Variants in KIF13A observed in about 807,000 individuals in gnomAD.
KIF13A encodes the protein kinesin family member 13A.
In KIF13A, 79 loss-of-function variants were observed where a neutral mutation model predicts 212.2. That is an observed-to-expected ratio of 0.37 (90% confidence interval 0.31 to 0.45). KIF13A has a LOEUF of 0.45. KIF13A is among the 20% of genes least tolerant of loss of function. The pLI is 1.00. For missense variants in KIF13A, 1,901 were observed against 2,209.0 expected, an observed-to-expected ratio of 0.86 and a Z score of 2.79; for synonymous variants, 789 against 808.6, an observed-to-expected ratio of 0.98 and a Z score of 0.41.
intron 14 of KIF13A, among the ~76,000 whole-genome samples, chr6:17,827,010 C>A (rs952277360): frequency 6.6e-6 from 1 of 150,650 alleles, no homozygotes; most frequent in African/African-American, 2.4e-5. Context: ...TGCAGTGAGC[C>A]GAGATCTTGC....
intron 16 of KIF13A, among the ~76,000 whole-genome samples, chr6:17,824,954 C>T (rs1226478220): frequency 6.6e-6 from 1 of 151,942 alleles, no homozygotes; most frequent in Non-Finnish European, 1.5e-5. Flanking sequence ...TCTCAGGTAC[C>T]CCTAAACAGC....
intron 2 of KIF13A, among the ~76,000 whole-genome samples, chr6:17,923,456 A>C (rs975160865): frequency 6.6e-6 from 1 of 151,986 alleles, no homozygotes; most frequent in African/African-American, 2.4e-5. Flanking sequence ...GTAAGTCTTC[A>C]CAATTAAAAC....
rs1285362192 is a variant in KIF13A at position 17,799,440 on chromosome 6, C to T, written c.2617-1G>A. On this transcript the variant is annotated splice_acceptor_variant, in intron 21 of 38. Transcript: ENST00000259711. LOFTEE classifies it high-confidence loss of function. This position sits in a 1 kb window ranked among gnomAD's most constrained non-coding sequence, Gnocchi z 4.4. ...GCCCCGTTGCTTCTTTAATTTTTACCTGAAGAGATAAACAATACAAATAAA... is the reference window on the plus strand; with the variant it reads ...GCCCCGTTGCTTCTTTAATTTTTACTTGAAGAGATAAACAATACAAATAAA... The T allele has an allele frequency of 6.5e-7, 1 of 1,535,336 alleles. No homozygotes were observed. Among genetic ancestry groups the T allele is most frequent in the Non-Finnish European group, 8.8e-7 (1 of 1,139,094 alleles).
At position 17,915,238 on chromosome 6, in the gene KIF13A, C is replaced by A. The variant is rs1451822007; in HGVS notation, c.147-17058G>T. The stretch of plus-strand genomic sequence containing the variant: ...CAAACGGCCTTTTATGAGAGTCAGT[C>A]CAGGAGCAGGGATGCAGAAGCCAGA... On this transcript the variant is annotated intron_variant, in intron 2 of 38. Transcript: ENST00000259711. The surrounding 1 kb of genome is among the most constrained non-coding windows in gnomAD (Gnocchi z 4.4). Among the ~76,000 whole-genome samples the A allele has an allele frequency of 6.6e-6, 1 of 152,082 alleles. No individual in the cohort carries two copies. Among genetic ancestry groups the A allele is most frequent in the Non-Finnish European group, 1.5e-5 (1 of 68,008 alleles).
At chr6:17,943,381 A>C (rs1777110482) in intron 2 of KIF13A, among the ~76,000 whole-genome samples, 1 of 150,864 alleles carries the variant, frequency 6.6e-6, no homozygotes, top group Non-Finnish European at 1.5e-5. Flanking sequence ...AATCACCTGG[A>C]AAGTTTGGTA....
At chr6:17,821,193 T>C (rs1396435635) in intron 16 of KIF13A, among the ~76,000 whole-genome samples, 5 of 152,086 alleles carry the variant, frequency 3.3e-5, no homozygotes, top group Non-Finnish European at 5.9e-5. Flanking sequence ...GCCATTGACA[T>C]TGAAAAAAGA....
intron 12 of KIF13A, among the ~76,000 whole-genome samples, chr6:17,833,658 C>G (rs895695945): frequency 4.6e-5 from 7 of 151,792 alleles, no homozygotes; most frequent in African/African-American, 1.7e-4. Flanking sequence ...GAGTTTGAGA[C>G]CAGCCTGGCC....
chr6:17,876,599 T>C (rs561650997), intron 3 of KIF13A, among the ~76,000 whole-genome samples: 104 of 150,932 alleles, frequency 6.9e-4, no homozygotes, highest in African/African-American at 2.3e-3. Flanking sequence ...ATTTATCATG[T>C]ATATGATCTG....
intron 2 of KIF13A, chr6:17,950,808 T>G: frequency 1.0e-6 from 1 of 979,144 alleles, no homozygotes; most frequent in Non-Finnish European, 1.2e-6. Context: ...CTTTTAAATC[T>G]TTCTTAATTT....
Position 17,987,581 on chromosome 6 carries a change from C to G in KIF13A, c.-118G>C, listed in dbSNP as rs1222879806. Reference sequence around the variant, plus strand: ...TCGAGCGCGGCCGCCGCCGCTCCGCCGTGAGCTCCGAGAGGCAGCGCCGAG... The same window carrying G: ...TCGAGCGCGGCCGCCGCCGCTCCGCGGTGAGCTCCGAGAGGCAGCGCCGAG... On this transcript the variant is annotated 5_prime_UTR_variant, in exon 1 of 39. Coordinates refer to ENST00000259711, the MANE Select transcript of KIF13A (RefSeq NM_022113.6). This position sits in a 1 kb window ranked among gnomAD's most constrained non-coding sequence, Gnocchi z 7.7. 1 of 438,708 alleles carries G rather than the reference C, an allele frequency of 2.3e-6. No homozygotes were observed. Among genetic ancestry groups the G allele is most frequent in the Admixed American group, 6.6e-5 (1 of 15,056 alleles). 27.2% of individuals were successfully genotyped at this position (438,708 alleles called of 1,614,324 possible). A position where few individuals can be genotyped will look rare whatever the true frequency, so the allele number is the denominator to read the frequency against.
intron 2 of KIF13A, among the ~76,000 whole-genome samples, chr6:17,946,836 A>G (rs1463150274): frequency 1.3e-5 from 2 of 152,242 alleles, no homozygotes; most frequent in African/African-American, 4.8e-5. Flanking sequence ...TAGTATATTC[A>G]TACAATGGAA....
intron 4 of KIF13A, among the ~76,000 whole-genome samples, chr6:17,858,114 C>T (rs918035385): frequency 8.0e-6 from 1 of 125,644 alleles, no homozygotes; most frequent in African/African-American, 2.9e-5. Flanking sequence ...TGTGTGTGTG[C>T]ATGCACGCAT....
intron 30 of KIF13A, 91 bp from the exon 31 acceptor site, chr6:17,780,997 C>A: frequency 7.3e-7 from 1 of 1,371,208 alleles, no homozygotes. Flanking sequence ...AAAATAAATT[C>A]AACTCACTGT....
rs116654003 is a variant in KIF13A at position 17,799,774 on chromosome 6, C to T, written c.2616+178G>A. Among the ~76,000 whole-genome samples the T allele has an allele frequency of 1.7e-3, 252 of 152,262 alleles. 1 individual carries two copies. The highest frequency in any genetic ancestry group is 1.5e-3 in the Non-Finnish European group (102 of 68,010). On this transcript the variant is annotated intron_variant, in intron 21 of 38. Transcript: ENST00000259711. This position sits in a 1 kb window ranked among gnomAD's most constrained non-coding sequence, Gnocchi z 4.4. Reference sequence around the variant, plus strand: ...ACATAAACACTTTTGAAATTTGATGCAACTGTCATAAGAAAGTGTGCTATA... The same window carrying T: ...ACATAAACACTTTTGAAATTTGATGTAACTGTCATAAGAAAGTGTGCTATA...
intron 17 of KIF13A, among the ~76,000 whole-genome samples, chr6:17,813,250 C>T (rs1051729058): frequency 2.6e-5 from 4 of 152,122 alleles, no homozygotes; most frequent in Non-Finnish European, 4.4e-5. Flanking sequence ...GAGGCTGAGG[C>T]GGGCGGATCA....
intron 2 of KIF13A, among the ~76,000 whole-genome samples, chr6:17,946,245 C>A (rs1777387140): frequency 6.6e-6 from 1 of 152,028 alleles, no homozygotes. Flanking sequence ...GTATGAGCCA[C>A]CACATTTAGC....
At chr6:17,760,778 G>A, downstream of KIF13A, 1 of 1,442,996 alleles carries the variant, frequency 6.9e-7, no homozygotes, top group Non-Finnish European at 9.8e-7. Context: ...ATGTTTTAGA[G>A]ATGGGGCTGG....
At chr6:17,853,197 T>G (rs1029767125) in intron 6 of KIF13A, among the ~76,000 whole-genome samples, 9 of 152,198 alleles carry the variant, frequency 5.9e-5, no homozygotes, top group African/African-American at 2.2e-4. Flanking sequence ...CCCTACAAAG[T>G]AGGCTTTACC....
chr6:17,777,201 T>TGACA lies in KIF13A; in HGVS notation c.4170+75_4170+76insTGTC. 1 of 1,154,966 alleles carries TGACA rather than the reference T, an allele frequency of 8.7e-7. No individual in the cohort carries two copies. The highest frequency in any genetic ancestry group is 1.3e-5 in the South Asian group (1 of 76,542). The allele number at this position is 1,154,966 out of a possible 1,614,324, so 71.5% of individuals were successfully genotyped here. ...AGTTCCATAAGCTCTACTGCCACTGTGTGAATCCCACCTTCCCCCACCCCA... is the reference window on the plus strand; with the variant it reads ...AGTTCCATAAGCTCTACTGCCACTGTGACAGTGAATCCCACCTTCCCCCACCCCA... On this transcript the variant is annotated intron_variant, in intron 34 of 38. Transcript: ENST00000259711. The surrounding 1 kb of genome is among the most constrained non-coding windows in gnomAD (Gnocchi z 4.4).
Sources: allele counts gnomAD v4.1 joint callset (sites outside exome capture counted in the v4.1 genomes callset), GRCh38; gene constraint gnomAD v4.1.1; non-coding constraint Gnocchi (gnomAD v3.1); transcripts MANE v1.5; gene names NCBI Gene and HGNC (gene_info 2026-07-23, HGNC 2026-07-21).